BIRC6: variants seen among roughly 807,000 people sequenced by gnomAD.
The protein encoded by BIRC6 is dual E2 ubiquitin-conjugating enzyme/E3 ubiquitin-protein ligase BIRC6.
A neutral mutation model predicts 503.3 loss-of-function variants in BIRC6; 98 were observed. The ratio of observed to expected loss-of-function variants is 0.19; its 90% confidence interval spans 0.17 to 0.23. The LOEUF (loss-of-function observed/expected upper bound fraction) is 0.23, where lower values mean the gene tolerates loss of function less well. BIRC6 is among the 10% of genes least tolerant of loss of function. The pLI is 1.00. For missense variants in BIRC6, 5,360 were observed against 5,806.0 expected (o/e 0.92, Z 2.50); for synonymous variants, 2,240 against 2,078.7 (o/e 1.08, Z -2.11).
Position 32,380,132 on chromosome 2 carries a change from T to A in BIRC6, c.508-21T>A, listed in dbSNP as rs912460910. ...TGTGTTGAATTTTCTGTGATTTTTT[T>A]ATTTTTTATTTTTTATTTAGGCACA... On this transcript the variant is annotated intron_variant, in intron 2 of 73. Coordinates refer to ENST00000421745, the MANE Select transcript of BIRC6 (RefSeq NM_016252.4). 21 of 1,450,890 alleles carry A rather than the reference T, an allele frequency of 1.4e-5. No individual in the cohort carries two copies. In the African/African-American group the frequency reaches 2.6e-4, roughly 18 times the overall value. 89.9% of individuals were successfully genotyped at this position (1,450,890 alleles called of 1,614,324 possible).
chr2:32,451,734 A>G (rs970181857), intron 22 of BIRC6, among the ~76,000 whole-genome samples: 1 of 152,200 alleles, frequency 6.6e-6, no homozygotes, highest in Non-Finnish European at 1.5e-5. Context: ...TGACTGACAG[A>G]CAAACTACGC....
chr2:32,460,255 TA>T (rs2047704002), intron 23 of BIRC6, among the ~76,000 whole-genome samples: 2 of 28,906 alleles, frequency 6.9e-5, no homozygotes, highest in Non-Finnish European at 1.4e-4. Context: ...GATATATATA[TA>T]TATATATATA....
At chr2:32,530,153 C>T (rs1323166835) in intron 60 of BIRC6, among the ~76,000 whole-genome samples, 1 of 152,176 alleles carries the variant, frequency 6.6e-6, no homozygotes, top group Non-Finnish European at 1.5e-5. Flanking sequence ...GCATTTCTTG[C>T]ATATAAACAT....
At chr2:32,375,473 C>G (rs998672492) in intron 1 of BIRC6, among the ~76,000 whole-genome samples, 1 of 151,928 alleles carries the variant, frequency 6.6e-6, no homozygotes, top group African/African-American at 2.4e-5. Flanking sequence ...GAGACCCTGT[C>G]TCTAAAAAAA....
chr2:32,476,733 T>C (rs2049808542), intron 34 of BIRC6, among the ~76,000 whole-genome samples: 1 of 152,172 alleles, frequency 6.6e-6, no homozygotes, highest in African/African-American at 2.4e-5. Flanking sequence ...TGGCATTCTC[T>C]TTACCCTTAG....
At chr2:32,529,476 T>C (rs1286688713) in intron 59 of BIRC6, 175 bp from the exon 60 acceptor site, 1 of 548,904 alleles carries the variant, frequency 1.8e-6, no homozygotes, top group Admixed American at 3.7e-5. Context: ...TTATTATATG[T>C]CAGAAATAAA....
At chr2:32,362,936 G>A (rs1165561779) in intron 1 of BIRC6, among the ~76,000 whole-genome samples, 2 of 152,020 alleles carry the variant, frequency 1.3e-5, no homozygotes. Context: ...TGTACTAATT[G>A]TGAGAATTAA....
At chr2:32,520,312 A>G (rs773667797) in intron 57 of BIRC6, among the ~76,000 whole-genome samples, 22 of 152,230 alleles carry the variant, frequency 1.4e-4, no homozygotes, top group Non-Finnish European at 2.5e-4. Flanking sequence ...TCTAATATGC[A>G]TGTGCATAAA....
At chr2:32,391,568 G>C (rs2039236942) in intron 4 of BIRC6, among the ~76,000 whole-genome samples, 2 of 152,128 alleles carry the variant, frequency 1.3e-5, no homozygotes, top group South Asian at 4.1e-4. Context: ...GAAGAATTTA[G>C]AAGAGTATTT....
intron 9 of BIRC6, among the ~76,000 whole-genome samples, chr2:32,408,750 C>T (rs183425540): frequency 3.3e-5 from 5 of 152,148 alleles, no homozygotes; most frequent in Admixed American, 1.3e-4. Context: ...GTATTTTTGT[C>T]GACTACATAT....
chr2:32,454,180 T>A (rs2046997378), intron 23 of BIRC6, among the ~76,000 whole-genome samples: 1 of 152,172 alleles, frequency 6.6e-6, no homozygotes, highest in Admixed American at 6.5e-5. Flanking sequence ...TCATTCTGTT[T>A]TTATGTGTAT....
chr2:32,441,543 A>G (rs2045434664), intron 17 of BIRC6, 81 bp downstream of exon 17: 3 of 1,327,636 alleles, frequency 2.3e-6, no homozygotes, highest in Non-Finnish European at 3.0e-6. Context: ...CACACAAATA[A>G]AAAATCTTTT....
intron 1 of BIRC6, among the ~76,000 whole-genome samples, chr2:32,369,805 A>G (rs1341269511): frequency 6.6e-6 from 1 of 150,464 alleles, no homozygotes; most frequent in African/African-American, 2.4e-5. Context: ...TTACTTAACT[A>G]TAGCCAGTTT....
At position 32,599,798 on chromosome 2, in the gene BIRC6, G is replaced by A; in HGVS notation, c.13890G>A (p.Val4630=). 6.2e-7 allele frequency: 1 copy of A among 1,613,826 alleles called. No individual in the cohort carries two copies. The highest frequency in any genetic ancestry group is 8.5e-7 in the Non-Finnish European group (1 of 1,179,778). ...PYANGCFEFD[V]YFPQDYPSSP... is the part of the protein sequence containing the mutation. The stretch of plus-strand genomic sequence containing the variant: ...CAAATGGCTGCTTTGAGTTTGATGT[G>A]TATTTTCCTCAAGATTATCCCAGTT... Residue 4630 remains valine (V), a synonymous_variant, in exon 70 of 74, where the codon GTG becomes GTA. Transcript: ENST00000421745.
intron 55 of BIRC6, among the ~76,000 whole-genome samples, chr2:32,516,158 T>C (rs1558948367): frequency 6.6e-6 from 1 of 152,248 alleles, no homozygotes; most frequent in East Asian, 1.9e-4. Flanking sequence ...ATAGTTTGCT[T>C]CTCTTTACAT....
intron 65 of BIRC6, among the ~76,000 whole-genome samples, chr2:32,554,815 C>T (rs2058666397): frequency 6.6e-6 from 1 of 151,490 alleles, no homozygotes; most frequent in South Asian, 2.1e-4. Context: ...CATAAGTATA[C>T]TGTTTGAGAA....
chr2:32,364,242 G>A (rs1170721769), intron 1 of BIRC6, among the ~76,000 whole-genome samples: 2 of 152,088 alleles, frequency 1.3e-5, no homozygotes, highest in Admixed American at 6.6e-5. Context: ...CCTGCTCAGT[G>A]TTTTTATTTT....
Position 32,415,612 on chromosome 2 carries a change from C to T in BIRC6, c.2321C>T (p.Ser774Phe). ...EALNNLNKLNSALCNRRKGEL... is the reference protein window; with the variant it reads ...EALNNLNKLNFALCNRRKGEL... ...TTGAATAATTTAAATAAATTAAACT[C>T]TGCACTATGTAATAGACGGAAAGGT... Residue 774 changes from serine (S) to phenylalanine (F), a missense_variant, in exon 10 of 74, where the codon TCT becomes TTT. Physicochemically the swap from Ser to Phe is radical, Grantham distance 155 (BLOSUM62 -2). Transcript: ENST00000421745. 6.2e-7 allele frequency: 1 copy of T among 1,613,918 alleles called. No individual in the cohort carries two copies. Among genetic ancestry groups the T allele is most frequent in the Non-Finnish European group, 8.5e-7 (1 of 1,179,848 alleles).
intron 25 of BIRC6, 96 bp downstream of exon 25, chr2:32,464,919 A>G (rs2048362187): frequency 1.4e-6 from 2 of 1,442,962 alleles, no homozygotes; most frequent in East Asian, 2.3e-5. Context: ...TACCAACTAG[A>G]TGTATCAAGT....
Sources: gnomAD v4.1 joint callset for allele counts (sites outside exome capture counted in the v4.1 genomes callset) on GRCh38, gnomAD v4.1.1 for gene constraint, MANE v1.5 for transcripts, NCBI Gene and HGNC (gene_info 2026-07-23, HGNC 2026-07-21) for gene names.